Variants in STAT4 observed in about 807,000 individuals in gnomAD.
STAT4 encodes signal transducer and activator of transcription 4.
Under a neutral mutation model 110.5 loss-of-function variants are expected in STAT4, and 42 were observed. That is an observed-to-expected ratio of 0.38 (90% CI 0.30 to 0.49). The LOEUF is 0.49. Ranked by LOEUF, STAT4 falls within the 20% of genes least tolerant of loss-of-function variation. The pLI, the probability that STAT4 is intolerant of heterozygous loss-of-function variation, is 0.95. For synonymous variants in STAT4, 284 were observed against 302.2 expected (o/e 0.94, Z 0.63); for missense variants, 632 against 887.9 (o/e 0.71, Z 3.66).
At chr2:191,125,359 A>G (rs1698848885) in intron 3 of STAT4, among the ~76,000 whole-genome samples, 3 of 152,128 alleles carry the variant, frequency 2.0e-5, no homozygotes, top group Admixed American at 1.3e-4. Context: ...TGTGCACTTA[A>G]AAGCCCACTG....
Position 191,037,345 on chromosome 2 carries a change from G to A in STAT4, c.1435-1046C>T, listed in dbSNP as rs1407368972. On this transcript the variant is annotated intron_variant, in intron 16 of 23. Transcript: ENST00000392320. The surrounding 1 kb of genome is among the most constrained non-coding windows in gnomAD (Gnocchi z 4.8). ...TTAAAAAAAACAAAAACAGAGAAAT[G>A]ATCTCGCTCTGTTGCTCAAGCTGGA... is the stretch of plus-strand genomic sequence containing the variant. Among the ~76,000 whole-genome samples, 2 of 152,044 alleles carry A rather than the reference G, an allele frequency of 1.3e-5. No individual in the cohort carries two copies. The highest frequency in any genetic ancestry group is 4.8e-5 in the African/African-American group (2 of 41,404).
Position 191,062,914 on chromosome 2 carries a change from T to C in STAT4, c.789A>G (p.Thr263=), listed in dbSNP as rs1696890397. Residue 263 remains threonine (T), a synonymous_variant, in exon 9 of 24, where the codon ACA becomes ACG. Coordinates refer to ENST00000392320, the MANE Select transcript of STAT4 (RefSeq NM_003151.4). The surrounding 1 kb of genome is among the most constrained non-coding windows in gnomAD (Gnocchi z 4.9). ...NGLDQLQNCF[T]LLAESLFQLR... is the part of the protein sequence containing the mutation. ...GTTGGAAAAGACTTTCTGCCAATAGTGTAAAGCTATTGAACAGAAAATGAA... is the reference window on the plus strand; with the variant it reads ...GTTGGAAAAGACTTTCTGCCAATAGCGTAAAGCTATTGAACAGAAAATGAA... 6.2e-7 allele frequency: 1 copy of C among 1,612,458 alleles called. No homozygotes were observed. The highest frequency in any genetic ancestry group is 8.5e-7 in the Non-Finnish European group (1 of 1,179,440).
At chr2:191,038,960 C>A (rs1696116513) in intron 16 of STAT4, among the ~76,000 whole-genome samples, 1 of 152,104 alleles carries the variant, frequency 6.6e-6, no homozygotes. Flanking sequence ...GCTGACCAGA[C>A]CCTCAGAAAT....
chr2:191,036,448 T>C lies in STAT4; in HGVS notation c.1435-149A>G, dbSNP rs1484490310. 4.7e-6 allele frequency: 4 copies of C among 856,204 alleles called. No homozygotes were observed. The African/African-American group carries it at 5.1e-5, about 11-fold the overall frequency. The allele number at this position is 856,204 out of a possible 1,614,324, so 53.0% of individuals were successfully genotyped here. A position where few individuals can be genotyped will look rare whatever the true frequency, so the allele number is the denominator to read the frequency against. ...TAGGTGATAGTCAGGCAGTTAACTG[T>C]TTCTCTAAAGTCATAATTGGTCACA... is the stretch of plus-strand genomic sequence containing the variant. On this transcript the variant is annotated intron_variant, in intron 16 of 23. Transcript: ENST00000392320.
In STAT4 at chr2:191,031,433, T is replaced by G; in HGVS notation, c.2111+17A>C. 1.9e-6 allele frequency: 3 copies of G among 1,606,906 alleles called. No individual in the cohort carries two copies. Among genetic ancestry groups the G allele is most frequent in the Non-Finnish European group, 2.5e-6 (3 of 1,177,036 alleles). Reference sequence around the variant, plus strand: ...GCTTTTTATAAAAATATTTCACATGTGACTAACATTACTCACATTGTTGAG... The same window carrying G: ...GCTTTTTATAAAAATATTTCACATGGGACTAACATTACTCACATTGTTGAG... On this transcript the variant is annotated intron_variant, in intron 22 of 23. Transcript: ENST00000392320. This position sits in a 1 kb window ranked among gnomAD's most constrained non-coding sequence, Gnocchi z 4.8.
At position 191,033,074 on chromosome 2, in the gene STAT4, C is replaced by T. The variant is rs1481899244; in HGVS notation, c.1928G>A (p.Arg643Gln). 1.2e-6 allele frequency: 2 copies of T among 1,614,130 alleles called. No individual in the cohort carries two copies. Among genetic ancestry groups the T allele is most frequent in the South Asian group, 1.1e-5 (1 of 91,082 alleles). ...LSALPFADIL[R>Q]DYKVIMAENI... is the part of the protein sequence containing the mutation. ...TTCAGCCATAATAACTTTGTAGTCTCGCAGGATGTCAGCGAATGGCAGAGC... is the reference window on the plus strand; with the variant it reads ...TTCAGCCATAATAACTTTGTAGTCTTGCAGGATGTCAGCGAATGGCAGAGC... Residue 643 changes from arginine (R) to glutamine (Q), a missense_variant, in exon 21 of 24, where the codon CGA becomes CAA. Coordinates refer to ENST00000392320, the MANE Select transcript of STAT4 (RefSeq NM_003151.4). This position sits in a 1 kb window ranked among gnomAD's most constrained non-coding sequence, Gnocchi z 6.9.
At chr2:191,057,963 A>C (rs1574716401) in intron 13 of STAT4, 55 bp downstream of exon 13, 2 of 1,408,120 alleles carry the variant, frequency 1.4e-6, no homozygotes, top group East Asian at 4.6e-5. Flanking sequence ...CGTATTAGTA[A>C]AGATGTCTGA....
At chr2:191,069,251 C>T (rs1288012276) in intron 6 of STAT4, among the ~76,000 whole-genome samples, 3 of 151,756 alleles carry the variant, frequency 2.0e-5, no homozygotes, top group Admixed American at 2.0e-4. Flanking sequence ...TAGGCTTTCT[C>T]CTATGAAACA....
intron 3 of STAT4, among the ~76,000 whole-genome samples, chr2:191,118,813 C>T (rs1166627976): frequency 6.6e-6 from 1 of 152,158 alleles, no homozygotes; most frequent in Non-Finnish European, 1.5e-5. Context: ...GGCTAGAGTG[C>T]AGTGGCTTGA....
intron 3 of STAT4, among the ~76,000 whole-genome samples, chr2:191,132,585 T>C (rs1699064837): frequency 6.6e-6 from 1 of 151,702 alleles, no homozygotes; most frequent in East Asian, 1.9e-4. Flanking sequence ...AAGGATAATG[T>C]AACTAACAAA....
Position 191,144,373 on chromosome 2 carries a change from G to A in STAT4, c.273+2240C>T, listed in dbSNP as rs1699408075. On this transcript the variant is annotated intron_variant, in intron 3 of 23. Coordinates refer to ENST00000392320, the MANE Select transcript of STAT4 (RefSeq NM_003151.4). This position sits in a 1 kb window ranked among gnomAD's most constrained non-coding sequence, Gnocchi z 4.7. ...ATGGGAACTAGACTGGTGGAAGAGG[G>A]ATGGAAGAGCATTCCTGGCCATAGG... Among the ~76,000 whole-genome samples, 1 of 152,166 alleles carries A rather than the reference G, an allele frequency of 6.6e-6. No individual in the cohort carries two copies. The highest frequency in any genetic ancestry group is 2.1e-4 in the South Asian group (1 of 4,834).
At position 191,046,344 on chromosome 2, in the gene STAT4, G is replaced by T. The variant is rs1245083848; in HGVS notation, c.1252-5196C>A. The stretch of plus-strand genomic sequence containing the variant: ...AGTCTTACTGGAACATGGTGGCATG[G>T]GTAAAGATAGCACAGCCATCTTGAG... On this transcript the variant is annotated intron_variant, in intron 14 of 23. Transcript: ENST00000392320. This position sits in a 1 kb window ranked among gnomAD's most constrained non-coding sequence, Gnocchi z 4.6. Among the ~76,000 whole-genome samples the T allele has an allele frequency of 6.6e-6, 1 of 152,204 alleles. No homozygotes were observed. Among genetic ancestry groups the T allele is most frequent in the Non-Finnish European group, 1.5e-5 (1 of 68,040 alleles).
chr2:191,063,733 T>C (rs1696910541), intron 8 of STAT4, among the ~76,000 whole-genome samples: 1 of 152,206 alleles, frequency 6.6e-6, no homozygotes, highest in African/African-American at 2.4e-5. Context: ...TAGGTTAAGA[T>C]CTTTATTGCT....
intron 3 of STAT4, among the ~76,000 whole-genome samples, chr2:191,088,842 A>G (rs1421550415): frequency 6.6e-6 from 1 of 152,214 alleles, no homozygotes; most frequent in Non-Finnish European, 1.5e-5. Flanking sequence ...GGTCTTTTCA[A>G]CAAGTGGTGC....
chr2:191,033,159 C>T lies in STAT4; in HGVS notation c.1853-10G>A, dbSNP rs1166642648. The T allele has an allele frequency of 6.2e-7, 1 of 1,611,184 alleles. No individual in the cohort carries two copies. ...TGGAATCTCACTTCCCCTTGAAAAA[C>T]AGAAATTGGAGAAATATACAGGTTC... On this transcript the variant is annotated splice_polypyrimidine_tract_variant and intron_variant, in intron 20 of 23. Transcript: ENST00000392320. This position sits in a 1 kb window ranked among gnomAD's most constrained non-coding sequence, Gnocchi z 6.9.
Position 191,148,060 on chromosome 2 carries a change from A to G in STAT4, c.128+16T>C. On this transcript the variant is annotated intron_variant, in intron 2 of 23. Coordinates refer to ENST00000392320, the MANE Select transcript of STAT4 (RefSeq NM_003151.4). The stretch of plus-strand genomic sequence containing the variant: ...ATTTGTGCATCAACTTCTAGGGAAA[A>G]TATGTTTGATCCTACCAGTCTTGAT... 6.2e-7 allele frequency: 1 copy of G among 1,613,126 alleles called. No homozygotes were observed. Among genetic ancestry groups the G allele is most frequent in the East Asian group, 2.2e-5 (1 of 44,816 alleles).
rs1698389049 is a variant in STAT4, at chr2:191,110,243, T to G, written c.274-33918A>C. On this transcript the variant is annotated intron_variant, in intron 3 of 23. Transcript: ENST00000392320. The surrounding 1 kb of genome is among the most constrained non-coding windows in gnomAD (Gnocchi z 4.5). ...AGAAGAAAAGGTCTTCTTCAGGCCT[T>G]TATTCAACAATATTCAGGTTTCAGC... Among the ~76,000 whole-genome samples, 1 of 152,194 alleles carries G rather than the reference T, an allele frequency of 6.6e-6. No individual in the cohort carries two copies. Among genetic ancestry groups the G allele is most frequent in the South Asian group, 2.1e-4 (1 of 4,820 alleles).
At chr2:191,057,581 C>CTTTTTTTTTTTTTTTTTTTCTTTT (rs56816363) in intron 13 of STAT4, among the ~76,000 whole-genome samples, 6 of 121,322 alleles carry the variant, frequency 4.9e-5, no homozygotes, top group East Asian at 2.3e-4. Context: ...AATTTCTTTT[C>CTTTTTTTTTTTTTTTTTTTCTTTT]TTTTTTTTTT....
At chr2:191,141,411 A>G (rs1014605714) in intron 3 of STAT4, among the ~76,000 whole-genome samples, 1 of 47,792 alleles carries the variant, frequency 2.1e-5, no homozygotes, top group Non-Finnish European at 4.9e-5. Flanking sequence ...ATATACATAT[A>G]CATATGTATA....
Sources: gnomAD v4.1 joint callset for allele counts (sites outside exome capture counted in the v4.1 genomes callset) on GRCh38, gnomAD v4.1.1 for gene constraint, Gnocchi (gnomAD v3.1) non-coding constraint, MANE v1.5 for transcripts, NCBI Gene and HGNC (gene_info 2026-07-23, HGNC 2026-07-21) for gene names.